The following PDE7B variants were observed in gnomAD, a reference collection of about 807,000 sequenced individuals.
PDE7B encodes 3',5'-cyclic-AMP phosphodiesterase 7B.
In PDE7B, 29 loss-of-function variants were observed where a neutral mutation model predicts 56.2. The ratio of observed to expected loss-of-function variants is 0.52; its 90% CI spans 0.38 to 0.70. The LOEUF is 0.70. Ranked by LOEUF, PDE7B falls within the 30% of genes least tolerant of loss-of-function variation. PDE7B has a pLI of 0.00. For missense variants in PDE7B, 490 were observed against 565.0 expected (o/e 0.87, Z 1.35); for synonymous variants, 197 against 196.9 (o/e 1.00, Z 0.00).
rs1778508355 is a variant in PDE7B, at chr6:136,151,262, C to G, written c.478+7C>G. The G allele has an allele frequency of 1.4e-6, 2 of 1,448,622 alleles. No individual in the cohort carries two copies. The highest frequency in any genetic ancestry group is 1.9e-6 in the Non-Finnish European group (2 of 1,029,930). The allele number at this position is 1,448,622 out of a possible 1,614,324, so 89.7% of individuals were successfully genotyped here. ...ACCTTACACCGATTTTTAGGTAAGTCCTTTTTTTCACATTTCTAGCCCCAT... is the reference window on the plus strand; with the variant it reads ...ACCTTACACCGATTTTTAGGTAAGTGCTTTTTTTCACATTTCTAGCCCCAT... On this transcript the variant is annotated splice_region_variant and intron_variant, in intron 6 of 12. Transcript: ENST00000308191.
intron 2 of PDE7B, among the ~76,000 whole-genome samples, chr6:136,035,917 T>C (rs1471442141): frequency 6.6e-6 from 1 of 152,258 alleles, no homozygotes; most frequent in African/African-American, 2.4e-5. Flanking sequence ...TTCTTTGTTC[T>C]TAACCCCTTT....
At chr6:136,173,227 G>A (rs1024032524) in intron 8 of PDE7B, among the ~76,000 whole-genome samples, 2 of 152,158 alleles carry the variant, frequency 1.3e-5, no homozygotes, top group African/African-American at 4.8e-5. Flanking sequence ...AAAGCTGGAG[G>A]CATCATGCTA....
At chr6:136,034,906 C>A (rs1776300452) in intron 2 of PDE7B, 1 of 152,368 alleles carries the variant, frequency 6.6e-6, no homozygotes, top group African/African-American at 2.4e-5. Context: ...ACACCCTCAA[C>A]AAGTAACAGT....
At chr6:136,152,707 G>C (rs1328484963) in intron 6 of PDE7B, among the ~76,000 whole-genome samples, 2 of 152,182 alleles carry the variant, frequency 1.3e-5, no homozygotes, top group African/African-American at 2.4e-5. Flanking sequence ...CCATTTACAT[G>C]TTTCTGGCTT....
intron 1 of PDE7B, among the ~76,000 whole-genome samples, chr6:135,946,255 A>C (rs573549310): frequency 6.6e-6 from 1 of 151,050 alleles, no homozygotes; most frequent in South Asian, 2.1e-4. Flanking sequence ...CCAGATTTTT[A>C]ATATTATGTA....
At chr6:136,076,659 A>G (rs1200999688) in intron 2 of PDE7B, among the ~76,000 whole-genome samples, 2 of 152,048 alleles carry the variant, frequency 1.3e-5, no homozygotes, top group Non-Finnish European at 2.9e-5. Flanking sequence ...CACACATCCA[A>G]TCAGATAGTC....
chr6:135,905,931 C>T (rs1342972870), intron 1 of PDE7B, among the ~76,000 whole-genome samples: 3 of 152,166 alleles, frequency 2.0e-5, no homozygotes, highest in Non-Finnish European at 4.4e-5. Context: ...AGCTCTCCTG[C>T]CCTGTGCTGC....
At chr6:135,880,234 G>T (rs61153900) in intron 1 of PDE7B, among the ~76,000 whole-genome samples, 7,670 of 152,220 alleles carry the variant, frequency 0.05, 354 homozygotes, top group African/African-American at 0.12. Context: ...AAGGGAGAAA[G>T]CAGTGGACTA....
chr6:136,181,071 G>A (rs1014735832), intron 10 of PDE7B, among the ~76,000 whole-genome samples, 156 bp from the exon 11 acceptor site: 1 of 152,202 alleles, frequency 6.6e-6, no homozygotes, highest in African/African-American at 2.4e-5. Context: ...GTGAATAAGT[G>A]CAGTTTCCTG....
chr6:136,051,771 G>A (rs1776633970), intron 2 of PDE7B, among the ~76,000 whole-genome samples: 1 of 152,170 alleles, frequency 6.6e-6, no homozygotes, highest in Non-Finnish European at 1.5e-5. Flanking sequence ...CATATCCAAA[G>A]TATTTAGTAA....
intron 1 of PDE7B, among the ~76,000 whole-genome samples, chr6:135,918,523 T>C (rs948979212): frequency 6.6e-6 from 1 of 152,194 alleles, no homozygotes; most frequent in Non-Finnish European, 1.5e-5. Context: ...GTTTTGTTTC[T>C]GTACCACTAC....
intron 8 of PDE7B, among the ~76,000 whole-genome samples, chr6:136,157,670 G>A (rs1019912839): frequency 1.3e-5 from 2 of 152,172 alleles, no homozygotes; most frequent in African/African-American, 4.8e-5. Flanking sequence ...CAAATGTGAT[G>A]GGAAGATGGG....
chr6:135,881,591 T>C (rs937273946), intron 1 of PDE7B, among the ~76,000 whole-genome samples: 7 of 152,184 alleles, frequency 4.6e-5, no homozygotes, highest in Non-Finnish European at 7.3e-5. Flanking sequence ...AACAAACACC[T>C]ACTGCAATGA....
At chr6:136,122,002 T>C (rs1212911119) in intron 3 of PDE7B, among the ~76,000 whole-genome samples, 2 of 144,928 alleles carry the variant, frequency 1.4e-5, no homozygotes, top group East Asian at 4.0e-4. Flanking sequence ...ATTTATAATC[T>C]TTTTTTTTTT....
At chr6:135,998,522 C>T (rs1227077950) in intron 2 of PDE7B, among the ~76,000 whole-genome samples, 11 of 151,814 alleles carry the variant, frequency 7.2e-5, no homozygotes, top group African/African-American at 2.2e-4. Flanking sequence ...TTTGGGAGGC[C>T]GAGGCGGGCA....
intron 2 of PDE7B, among the ~76,000 whole-genome samples, chr6:135,980,690 C>T (rs1395376688): frequency 2.7e-5 from 4 of 150,796 alleles, no homozygotes; most frequent in African/African-American, 2.4e-5. Flanking sequence ...AAAATGCTCA[C>T]CATCACTGGC....
intron 4 of PDE7B, among the ~76,000 whole-genome samples, chr6:136,147,738 A>G (rs1160238950): frequency 6.6e-6 from 1 of 152,220 alleles, no homozygotes; most frequent in African/African-American, 2.4e-5. Context: ...CATGCCTAAC[A>G]CATACTAGCC....
chr6:135,880,205 G>C (rs1483381089), intron 1 of PDE7B, among the ~76,000 whole-genome samples: 2 of 152,120 alleles, frequency 1.3e-5, no homozygotes, highest in Non-Finnish European at 2.9e-5. Flanking sequence ...CAGTAAAACA[G>C]GATTCAGAGG....
At chr6:135,976,862 C>A (rs1382599558) in intron 2 of PDE7B, among the ~76,000 whole-genome samples, 1 of 152,136 alleles carries the variant, frequency 6.6e-6, no homozygotes, top group Non-Finnish European at 1.5e-5. Flanking sequence ...CTTTCTAAAA[C>A]CACACACTTT....
Sources: allele counts gnomAD v4.1 joint callset (sites outside exome capture counted in the v4.1 genomes callset), GRCh38; gene constraint gnomAD v4.1.1; transcripts MANE v1.5; gene names NCBI Gene and HGNC (gene_info 2026-07-23, HGNC 2026-07-21).